TBC1D4: variants seen among roughly 807,000 people sequenced by gnomAD.
TBC1D4 encodes TBC (Tre-2, BUB2, CDC16) domain-containing protein.
TBC1D4 carries 121 observed loss-of-function variants against 142.5 expected under a neutral mutation model. The ratio of observed to expected loss-of-function variants is 0.85; its 90% CI spans 0.73 to 0.99. The LOEUF is 0.99. TBC1D4 is among the 50% of genes least tolerant of loss of function. TBC1D4 has a pLI of 0.00. For synonymous variants in TBC1D4, 630 were observed against 628.2 expected (o/e 1.00, Z -0.04); for missense variants, 1,475 against 1,606.6 (o/e 0.92, Z 1.40).
intron 1 of TBC1D4, among the ~76,000 whole-genome samples, chr13:75,460,051 G>A (rs984539049): frequency 1.3e-5 from 2 of 152,120 alleles, no homozygotes; most frequent in Non-Finnish European, 2.9e-5. Flanking sequence ...GCTGAGGCAG[G>A]AGAATGGCAT....
chr13:75,326,804 A>G (rs1157436843), intron 9 of TBC1D4, among the ~76,000 whole-genome samples: 1 of 152,200 alleles, frequency 6.6e-6, no homozygotes, highest in Non-Finnish European at 1.5e-5. Flanking sequence ...GATGAAAAAA[A>G]GATCATGACC....
At chr13:75,446,918 G>C (rs1887309469) in intron 1 of TBC1D4, among the ~76,000 whole-genome samples, 2 of 152,086 alleles carry the variant, frequency 1.3e-5, no homozygotes, top group African/African-American at 4.8e-5. Flanking sequence ...AATTGTGGTG[G>C]CCAAGGAAGC....
rs9600455 is a variant in TBC1D4 at position 75,292,148 on chromosome 13, G to A, written c.3440C>T (p.Thr1147Met). Reference sequence around the variant, plus strand: ...TTCAGAGGTATTCATATCAGGTAGCGTGTTTTTAAGAAACTCAACAATATT... The same window carrying A: ...TTCAGAGGTATTCATATCAGGTAGCATGTTTTTAAGAAACTCAACAATATT... The part of the protein sequence containing the change: ...FENIVEFLKN[T>M]LPDMNTSEME... Residue 1147 changes from threonine (T) to methionine (M), a missense_variant, in exon 19 of 21, where the codon ACG becomes ATG. Thr to Met is a moderately conservative substitution (Grantham distance 81). Transcript: ENST00000377636. The A allele has an allele frequency of 0.1, 164,731 of 1,609,120 alleles. 9,775 individuals are homozygous for A. Among genetic ancestry groups the A allele is most frequent in the Non-Finnish European group, 0.12 (140,676 of 1,175,850 alleles).
At chr13:75,289,262 T>C (rs1875018541) in intron 19 of TBC1D4, 152 bp from the exon 20 acceptor site, 2 of 803,676 alleles carry the variant, frequency 2.5e-6, no homozygotes, top group East Asian at 2.7e-5. Flanking sequence ...TAACTGTCAA[T>C]ACAAGAATAA....
chr13:75,304,889 T>C (rs750982919), intron 15 of TBC1D4, among the ~76,000 whole-genome samples: 16 of 152,046 alleles, frequency 1.1e-4, no homozygotes, highest in Admixed American at 2.0e-4. Context: ...GAGCACACAA[T>C]ACAAGGTAAG....
rs566687822 is a variant in TBC1D4 at position 75,321,018 on chromosome 13, C to T, written c.2199-981G>A. 2.5e-4 allele frequency among the ~76,000 whole-genome samples: 38 copies of T among 149,320 alleles called. 1 individual carries two copies. The South Asian group carries it at 5.7e-3, about 22-fold the overall frequency. On this transcript the variant is annotated intron_variant, in intron 11 of 20. Transcript: ENST00000377636. Reference sequence around the variant, plus strand: ...TTGAGCCACTGCACTCCAGCCCGGGCGACACAGCAAGACTCCATCTCAAAA... The same window carrying T: ...TTGAGCCACTGCACTCCAGCCCGGGTGACACAGCAAGACTCCATCTCAAAA...
At position 75,322,878 on chromosome 13, in the gene TBC1D4, G is replaced by A. The variant is rs956860733; in HGVS notation, c.2198+1359C>T. ...TTTCCTTTGAAATTTCTTCCATAAG[G>A]TCGTCCCTGAAAGCACTCTAAAGTA... On this transcript the variant is annotated intron_variant, in intron 11 of 20. Transcript: ENST00000377636. Among the ~76,000 whole-genome samples, 5 of 151,942 alleles carry A rather than the reference G, an allele frequency of 3.3e-5. No individual in the cohort carries two copies. In the East Asian group the frequency reaches 9.6e-4, roughly 29 times the overall value.
rs145445738 is a variant in TBC1D4, at chr13:75,387,388, C to T, written c.499-24781G>A. The stretch of plus-strand genomic sequence containing the variant: ...CGTTCCTTAGAGGTTTGTGGCAATG[C>T]GAAATCTGAAACTATATCAGTGAAC... On this transcript the variant is annotated intron_variant, in intron 1 of 20. Coordinates refer to ENST00000377636, the MANE Select transcript of TBC1D4 (RefSeq NM_014832.5). 1.2e-4 allele frequency among the ~76,000 whole-genome samples: 18 copies of T among 152,282 alleles called. No individual in the cohort carries two copies. In the East Asian group the frequency reaches 2.1e-3, roughly 18 times the overall value.
chr13:75,460,046 G>A (rs1428398965), intron 1 of TBC1D4, among the ~76,000 whole-genome samples: 3 of 152,122 alleles, frequency 2.0e-5, no homozygotes, highest in African/African-American at 7.2e-5. Context: ...GGGAGGCTGA[G>A]GCAGGAGAAT....
intron 1 of TBC1D4, among the ~76,000 whole-genome samples, chr13:75,466,360 A>G (rs553424845): frequency 6.6e-6 from 1 of 152,344 alleles, no homozygotes; most frequent in Admixed American, 6.5e-5. Flanking sequence ...TCCGCACTAG[A>G]AAAATGAACA....
chr13:75,418,363 C>A (rs909887601), intron 1 of TBC1D4, among the ~76,000 whole-genome samples: 2 of 152,106 alleles, frequency 1.3e-5, no homozygotes, highest in Non-Finnish European at 1.5e-5. Flanking sequence ...ACTTTTCCTG[C>A]CAGACAGGAG....
At chr13:75,301,718 C>T (rs778829808) in intron 16 of TBC1D4, among the ~76,000 whole-genome samples, 32 of 152,208 alleles carry the variant, frequency 2.1e-4, no homozygotes, top group Non-Finnish European at 3.8e-4. Context: ...CCCATTCCTA[C>T]ACTATTAGTG....
intron 1 of TBC1D4, among the ~76,000 whole-genome samples, chr13:75,383,331 C>G (rs918866474): frequency 1.3e-5 from 2 of 152,158 alleles, no homozygotes; most frequent in East Asian, 3.8e-4. Context: ...TCCCCAACAA[C>G]AAAAACAACA....
At chr13:75,318,988 T>C (rs536884540) in intron 12 of TBC1D4, among the ~76,000 whole-genome samples, 3 of 152,020 alleles carry the variant, frequency 2.0e-5, no homozygotes, top group South Asian at 4.2e-4. Flanking sequence ...AATAAGGAAA[T>C]CATAGACTAG....
At chr13:75,405,908 G>C (rs1593850759) in intron 1 of TBC1D4, among the ~76,000 whole-genome samples, 1 of 152,176 alleles carries the variant, frequency 6.6e-6, no homozygotes, top group African/African-American at 2.4e-5. Context: ...TAAGAATTAA[G>C]TGTCATTTTA....
At chr13:75,431,835 A>T (rs1886602714) in intron 1 of TBC1D4, among the ~76,000 whole-genome samples, 1 of 152,316 alleles carries the variant, frequency 6.6e-6, no homozygotes, top group South Asian at 2.1e-4. Flanking sequence ...ATGAAAGAAG[A>T]CATGGACTTG....
intron 1 of TBC1D4, among the ~76,000 whole-genome samples, chr13:75,377,075 TTCTG>T (rs1883552438): frequency 6.6e-6 from 1 of 152,248 alleles, no homozygotes; most frequent in African/African-American, 2.4e-5. Flanking sequence ...ATATAAATTT[TTCTG>T]TCTGATTCAA....
At chr13:75,410,181 G>A (rs2138393806) in intron 1 of TBC1D4, among the ~76,000 whole-genome samples, 1 of 152,262 alleles carries the variant, frequency 6.6e-6, no homozygotes, top group Middle Eastern at 3.4e-3. Flanking sequence ...TACTATGTTT[G>A]ATATATTCAC....
intron 9 of TBC1D4, 70 bp downstream of exon 9, chr13:75,327,682 C>G (rs1234068092): frequency 1.5e-6 from 2 of 1,347,338 alleles, no homozygotes; most frequent in South Asian, 1.2e-5. Context: ...AAAAATGGAG[C>G]ATGCATATTA....
Sources: gnomAD v4.1 joint callset for allele counts (sites outside exome capture counted in the v4.1 genomes callset) on GRCh38, gnomAD v4.1.1 for gene constraint, MANE v1.5 for transcripts, NCBI Gene and HGNC (gene_info 2026-07-23, HGNC 2026-07-21) for gene names.